The following MATN2 variants were observed in gnomAD, a reference collection of about 807,000 sequenced individuals.
MATN2 encodes matrilin-2.
In MATN2, 69 loss-of-function variants were observed where a neutral mutation model predicts 103.2. The observed-to-expected ratio is 0.67, with a 90% CI of 0.55 to 0.82. The LOEUF is 0.82. MATN2 is among the 40% of genes least tolerant of loss of function. The pLI, the probability that MATN2 is intolerant of heterozygous loss-of-function variation, is 0.00. For missense variants in MATN2, 1,023 were observed against 1,211.5 expected (o/e 0.84, Z 2.31); for synonymous variants, 429 against 450.2 (o/e 0.95, Z 0.60).
In MATN2 at chr8:97,931,316, C is replaced by T. The variant is rs1416504697; in HGVS notation, c.506C>T (p.Thr169Ile). The change falls in exon 3 of 19, where the codon ACA becomes ATA. Residue 169 changes from threonine (T) to isoleucine (I), a missense_variant. Thr to Ile is a moderately conservative substitution (Grantham distance 89). Transcript: ENST00000254898. The surrounding 1 kb of genome is among the most constrained non-coding windows in gnomAD (Gnocchi z 4.1). ...GTGCCACGGGTCATAATGATCGTGA[C>T]AGATGGGAGACCTCAGGACTCCGTG... Reference protein sequence around the residue: ...ENVPRVIMIVTDGRPQDSVAE... With the variant: ...ENVPRVIMIVIDGRPQDSVAE... The T allele has an allele frequency of 3.1e-6, 5 of 1,613,762 alleles. No homozygotes were observed. The highest frequency in any genetic ancestry group is 1.3e-5 in the African/African-American group (1 of 74,916).
chr8:98,014,393 C>A (rs1457732499), intron 10 of MATN2, among the ~76,000 whole-genome samples: 1 of 152,178 alleles, frequency 6.6e-6, no homozygotes, highest in African/African-American at 2.4e-5. Context: ...GGAACTATCC[C>A]AAACCATCAG....
At position 98,007,340 on chromosome 8, in the gene MATN2, G is replaced by A; in HGVS notation, c.1450+113G>A. 1.9e-6 allele frequency: 3 copies of A among 1,560,716 alleles called. No individual in the cohort carries two copies. The highest frequency in any genetic ancestry group is 2.6e-6 in the Non-Finnish European group (3 of 1,143,330). On this transcript the variant is annotated intron_variant, in intron 9 of 18. Transcript: ENST00000254898. The surrounding 1 kb of genome is among the most constrained non-coding windows in gnomAD (Gnocchi z 4.2). The stretch of plus-strand genomic sequence containing the variant: ...GCACCCCTCCCCTGCCCCTTGCTCT[G>A]CTCCAGGAGATAGTGAGGATGTCCA...
intron 11 of MATN2, among the ~76,000 whole-genome samples, chr8:98,017,605 TAA>T (rs1256061468): frequency 2.6e-5 from 4 of 152,242 alleles, no homozygotes; most frequent in Non-Finnish European, 1.5e-5. Flanking sequence ...GTGATTCTCC[TAA>T]GTCATACACT....
At chr8:97,942,547 G>A (rs888891814) in intron 4 of MATN2, among the ~76,000 whole-genome samples, 1 of 152,210 alleles carries the variant, frequency 6.6e-6, no homozygotes, top group Admixed American at 6.5e-5. Flanking sequence ...TGAGTACCGT[G>A]TCCTTACTTT....
chr8:97,973,023 A>G (rs945435893), intron 5 of MATN2, among the ~76,000 whole-genome samples: 2 of 152,224 alleles, frequency 1.3e-5, no homozygotes, highest in African/African-American at 4.8e-5. Context: ...AAAGTTATGC[A>G]AACAACCCAA....
At chr8:97,905,828 T>G (rs111687902) in intron 2 of MATN2, among the ~76,000 whole-genome samples, 1 of 151,926 alleles carries the variant, frequency 6.6e-6, no homozygotes, top group African/African-American at 2.4e-5. Flanking sequence ...CCTGGCTAAT[T>G]TTTTGTATTT....
In MATN2 at chr8:97,956,083, C is replaced by T. The variant is rs181457171; in HGVS notation, c.836-5325C>T. On this transcript the variant is annotated intron_variant, in intron 4 of 18. Coordinates refer to ENST00000254898, the MANE Select transcript of MATN2 (RefSeq NM_002380.5). The stretch of plus-strand genomic sequence containing the variant: ...CAGCTTTATTGAAGAGACGGTGTTA[C>T]AGCCCTGGCAGTGTTACGCCTCCGT... Among the ~76,000 whole-genome samples the T allele has an allele frequency of 2.1e-3, 323 of 152,360 alleles. 5 individuals carry two copies. The highest frequency in any genetic ancestry group is 9.6e-4 in the Non-Finnish European group (65 of 68,038).
intron 1 of MATN2, among the ~76,000 whole-genome samples, chr8:97,873,151 C>G (rs1292056713): frequency 6.6e-6 from 1 of 152,126 alleles, no homozygotes; most frequent in Non-Finnish European, 1.5e-5. Flanking sequence ...CCATAGACAT[C>G]TTTGACATAT....
At chr8:97,902,178 GTT>G (rs761236013) in intron 2 of MATN2, among the ~76,000 whole-genome samples, 20 of 141,384 alleles carry the variant, frequency 1.4e-4, no homozygotes, top group Admixed American at 2.8e-4. Flanking sequence ...ACATGTATTT[GTT>G]TTTTTTTTTT....
Position 98,007,259 on chromosome 8 carries a change from A to C in MATN2, c.1450+32A>C. On this transcript the variant is annotated intron_variant, in intron 9 of 18. Transcript: ENST00000254898. The surrounding 1 kb of genome is among the most constrained non-coding windows in gnomAD (Gnocchi z 4.2). Reference sequence around the variant, plus strand: ...CCCTCCGCGCTCCTCTCATAGGGGAAGGTTTGCACCAGGAGTGAAACCTAT... The same window carrying C: ...CCCTCCGCGCTCCTCTCATAGGGGACGGTTTGCACCAGGAGTGAAACCTAT... The C allele has an allele frequency of 6.2e-7, 1 of 1,612,718 alleles. No homozygotes were observed. Among genetic ancestry groups the C allele is most frequent in the South Asian group, 1.1e-5 (1 of 91,020 alleles).
rs533940889 is a variant in MATN2, at chr8:97,949,053, T to C, written c.835+7154T>C. Among the ~76,000 whole-genome samples the C allele has an allele frequency of 2.3e-3, 352 of 152,010 alleles. 1 individual carries two copies. The highest frequency in any genetic ancestry group is 8.1e-3 in the African/African-American group (334 of 41,460). ...AAGAAGACAAACACCACCATAAAAA[T>C]GGGCAAAATATTTGAACAGACACTA... On this transcript the variant is annotated intron_variant, in intron 4 of 18. Transcript: ENST00000254898.
chr8:97,878,268 A>G (rs1298218158), intron 1 of MATN2, among the ~76,000 whole-genome samples: 1 of 152,184 alleles, frequency 6.6e-6, no homozygotes, highest in Non-Finnish European at 1.5e-5. Flanking sequence ...GGGTCTTCCA[A>G]TCAGGAAAAA....
chr8:97,920,748 T>C (rs1222518285), intron 2 of MATN2, among the ~76,000 whole-genome samples: 1 of 152,124 alleles, frequency 6.6e-6, no homozygotes, highest in Admixed American at 6.6e-5. Context: ...CACTTGAGCC[T>C]GGGAGGCGGA....
chr8:97,880,144 C>T (rs1273626223), intron 1 of MATN2, among the ~76,000 whole-genome samples: 2 of 148,412 alleles, frequency 1.3e-5, no homozygotes, highest in South Asian at 2.1e-4. Context: ...AGTGCAGTGG[C>T]GCCATCTCAG....
At chr8:97,937,583 CTTTTTTTTTTT>C (rs376203275) in intron 3 of MATN2, among the ~76,000 whole-genome samples, 4 of 89,814 alleles carry the variant, frequency 4.5e-5, no homozygotes, top group South Asian at 4.3e-4. Context: ...TCCCCACTAA[CTTTTTTTTTTT>C]TTTTTTTTTT....
At position 97,913,705 on chromosome 8, in the gene MATN2, C is replaced by T. The variant is rs557325482; in HGVS notation, c.143-17248C>T. ...TCTCGGCTCACTGCAACCTCTGCCT[C>T]CCGGGTTCAAGCAATTCTCCTGCCT... is the stretch of plus-strand genomic sequence containing the variant. On this transcript the variant is annotated intron_variant, in intron 2 of 18. Transcript: ENST00000254898. 5.7e-4 allele frequency among the ~76,000 whole-genome samples: 87 copies of T among 151,442 alleles called. No homozygotes were observed. The South Asian group carries it at 0.017, about 30-fold the overall frequency.
rs902417889 is a variant in MATN2, at chr8:98,005,509, C to T, written c.1328-1596C>T. On this transcript the variant is annotated intron_variant, in intron 8 of 18. Transcript: ENST00000254898. The surrounding 1 kb of genome is among the most constrained non-coding windows in gnomAD (Gnocchi z 4.6). ...TTGACTGCCCCTCCCAGCATGCTTC[C>T]GGGGGCCAGAAGAGCTCTAAGAACG... Among the ~76,000 whole-genome samples, 1 of 152,144 alleles carries T rather than the reference C, an allele frequency of 6.6e-6. No individual in the cohort carries two copies. The highest frequency in any genetic ancestry group is 2.4e-5 in the African/African-American group (1 of 41,432).
chr8:97,888,985 G>A (rs1818535357), intron 2 of MATN2, among the ~76,000 whole-genome samples: 1 of 152,172 alleles, frequency 6.6e-6, no homozygotes, highest in Non-Finnish European at 1.5e-5. Context: ...CTGTAAAATG[G>A]AAGTGTGAAT....
rs139362886 is a variant in MATN2, at chr8:97,926,619, C to A, written c.143-4334C>A. Among the ~76,000 whole-genome samples, 895 of 152,214 alleles carry A rather than the reference C, an allele frequency of 5.9e-3. 7 individuals are homozygous for A. The highest frequency in any genetic ancestry group is 0.02 in the African/African-American group (838 of 41,518). ...TGAGTGACTTGGACTCTGTTGGGAC[C>A]CCTCTGCCTCTAAGATTCTACTAGT... is the stretch of plus-strand genomic sequence containing the variant. On this transcript the variant is annotated intron_variant, in intron 2 of 18. Coordinates refer to ENST00000254898, the MANE Select transcript of MATN2 (RefSeq NM_002380.5).
Sources: allele counts gnomAD v4.1 joint callset (sites outside exome capture counted in the v4.1 genomes callset), GRCh38; gene constraint gnomAD v4.1.1; non-coding constraint Gnocchi (gnomAD v3.1); transcripts MANE v1.5; gene names NCBI Gene and HGNC (gene_info 2026-07-23, HGNC 2026-07-21).